Variants in MGAT4C observed in about 807,000 individuals in gnomAD.
MGAT4C encodes MGAT4 family member C, also known as alpha-1,3-mannosyl-glycoprotein 4-beta-N-acetylglucosaminyltransferase C.
MGAT4C carries 19 observed loss-of-function variants against 40.1 expected under a neutral mutation model. The ratio of observed to expected loss-of-function variants is 0.47; its 90% CI spans 0.33 to 0.70. The LOEUF is 0.70. MGAT4C is among the 30% of genes least tolerant of loss of function. The pLI is 0.02. For missense variants in MGAT4C, 491 were observed against 563.2 expected (o/e 0.87, Z 1.30); for synonymous variants, 181 against 187.1 (o/e 0.97, Z 0.27).
intron 3 of MGAT4C, among the ~76,000 whole-genome samples, chr12:86,397,953 C>T (rs1190729001): frequency 6.6e-6 from 1 of 152,010 alleles, no homozygotes; most frequent in Non-Finnish European, 1.5e-5. Flanking sequence ...ACAGAGATGC[C>T]ATTTCTTAAT....
Position 86,472,231 on chromosome 12 carries a change from T to G in MGAT4C, c.-228-36966A>C, listed in dbSNP as rs567849683. Reference sequence around the variant, plus strand: ...TCTGCCTCCAGCGACTGTAGGCCATTTGAAGATTACTATTGCTGCTATTCT... The same window carrying G: ...TCTGCCTCCAGCGACTGTAGGCCATGTGAAGATTACTATTGCTGCTATTCT... On this transcript the variant is annotated intron_variant, in intron 2 of 7. Coordinates refer to the MGAT4C transcript ENST00000548651. Among the ~76,000 whole-genome samples, 9 of 152,282 alleles carry G rather than the reference T, an allele frequency of 5.9e-5. No individual in the cohort carries two copies. The South Asian group carries it at 1.9e-3, about 32-fold the overall frequency.
chr12:86,244,373 G>T (rs1262019372), intron 1 of MGAT4C, among the ~76,000 whole-genome samples: 1 of 152,108 alleles, frequency 6.6e-6, no homozygotes, highest in Non-Finnish European at 1.5e-5. Context: ...GGGTTTCATT[G>T]CCTCCTTCTA....
chr12:86,314,759 C>A (rs113970066), intron 4 of MGAT4C, among the ~76,000 whole-genome samples: 258 of 152,282 alleles, frequency 1.7e-3, no homozygotes, highest in African/African-American at 5.9e-3. Flanking sequence ...TAACCCCTAA[C>A]ATTAAAATAC....
chr12:86,347,860 T>C (rs968648516), intron 3 of MGAT4C, among the ~76,000 whole-genome samples: 2 of 152,204 alleles, frequency 1.3e-5, no homozygotes, highest in African/African-American at 4.8e-5. Context: ...TTTTTTCCTT[T>C]GAACTTTCAT....
At chr12:86,744,089 G>T (rs1951115368) in intron 1 of MGAT4C, among the ~76,000 whole-genome samples, 1 of 151,552 alleles carries the variant, frequency 6.6e-6, no homozygotes, top group Non-Finnish European at 1.5e-5. Flanking sequence ...AACATGTACT[G>T]AAATTTACAG....
chr12:86,035,971 T>C (rs1891202742), intron 2 of MGAT4C, among the ~76,000 whole-genome samples: 1 of 150,100 alleles, frequency 6.7e-6, no homozygotes, highest in African/African-American at 2.4e-5. Flanking sequence ...CTGTTTTTAT[T>C]ACTGTAGCCT....
chr12:86,430,222 T>A (rs776220300), intron 3 of MGAT4C, among the ~76,000 whole-genome samples: 81 of 152,322 alleles, frequency 5.3e-4, no homozygotes, highest in Non-Finnish European at 1.1e-3. Context: ...TCTTTTTTAG[T>A]ATTATTTTGA....
chr12:86,481,504 CAA>C (rs1475628115), intron 2 of MGAT4C, among the ~76,000 whole-genome samples: 5 of 151,736 alleles, frequency 3.3e-5, no homozygotes, highest in Non-Finnish European at 7.4e-5. Context: ...TTTAAAATGT[CAA>C]AGAGATACAC....
At chr12:86,632,197 C>A (rs1963069135) in intron 2 of MGAT4C, among the ~76,000 whole-genome samples, 1 of 152,012 alleles carries the variant, frequency 6.6e-6, no homozygotes, top group Non-Finnish European at 1.5e-5. Flanking sequence ...AAATCAAAAT[C>A]ACAATGAGAT....
chr12:85,994,424 C>T (rs1565829529), intron 2 of MGAT4C, among the ~76,000 whole-genome samples: 1 of 152,116 alleles, frequency 6.6e-6, no homozygotes, highest in Non-Finnish European at 1.5e-5. Flanking sequence ...GCAGAATAGG[C>T]TGAGAAGCCC....
Position 85,977,993 on chromosome 12 carries a change from C to T in MGAT4C, c.*1296G>A, listed in dbSNP as rs1884138075. ...TGAAAACCAATGTCTTTAGGACACA[C>T]TAAGGTGTCCTGAATTACTTTAACG... On this transcript the variant is annotated 3_prime_UTR_variant, in exon 5 of 5. Coordinates refer to ENST00000611864, the MANE Select transcript of MGAT4C (RefSeq NM_001351288.2). 1.3e-5 allele frequency: 2 copies of T among 151,560 alleles called. No homozygotes were observed. The highest frequency in any genetic ancestry group is 4.8e-5 in the African/African-American group (2 of 41,364). The allele number at this position is 151,560 out of a possible 1,614,324, so 9.4% of individuals were successfully genotyped here.
intron 3 of MGAT4C, among the ~76,000 whole-genome samples, chr12:86,381,383 T>C (rs1955925719): frequency 6.6e-6 from 1 of 152,166 alleles, no homozygotes; most frequent in Non-Finnish European, 1.5e-5. Flanking sequence ...TAACTTTCAG[T>C]TTGAGTCTGA....
intron 2 of MGAT4C, among the ~76,000 whole-genome samples, chr12:86,564,455 C>T (rs1010064978): frequency 2.0e-5 from 3 of 152,160 alleles, no homozygotes; most frequent in Non-Finnish European, 2.9e-5. Context: ...TCTTCCCTTC[C>T]ACAAGATATC....
chr12:86,437,263 T>A (rs1957152949), intron 2 of MGAT4C, among the ~76,000 whole-genome samples: 1 of 151,810 alleles, frequency 6.6e-6, no homozygotes, highest in African/African-American at 2.4e-5. Context: ...TACTAGTTAT[T>A]TTCCAATGTA....
At chr12:86,595,628 G>T (rs1163921174) in intron 2 of MGAT4C, among the ~76,000 whole-genome samples, 1 of 151,728 alleles carries the variant, frequency 6.6e-6, no homozygotes, top group African/African-American at 2.4e-5. Context: ...TGCATATTAA[G>T]AATTTTACAT....
At chr12:86,312,405 C>T (rs2136151595) in intron 4 of MGAT4C, among the ~76,000 whole-genome samples, 1 of 152,308 alleles carries the variant, frequency 6.6e-6, no homozygotes, top group Non-Finnish European at 1.5e-5. Context: ...GCTGCTTGCT[C>T]ACTTTAGTTT....
intron 2 of MGAT4C, among the ~76,000 whole-genome samples, chr12:86,646,479 A>G (rs1478863039): frequency 6.6e-6 from 1 of 151,970 alleles, no homozygotes; most frequent in Admixed American, 6.6e-5. Context: ...ATCCAGAAAC[A>G]CTATTATAAT....
At chr12:86,228,287 G>A (rs1389291) in intron 1 of MGAT4C, among the ~76,000 whole-genome samples, 8,209 of 151,812 alleles carry the variant, frequency 0.054, 751 homozygotes, top group African/African-American at 0.19. Context: ...AAGGGAATCA[G>A]TATTCCTCAG....
At chr12:86,802,111 G>A (rs1164721688) in intron 1 of MGAT4C, among the ~76,000 whole-genome samples, 2 of 151,890 alleles carry the variant, frequency 1.3e-5, no homozygotes, top group Non-Finnish European at 2.9e-5. Context: ...TGACACCTGT[G>A]TAAACTTATA....
Sources: gnomAD v4.1 joint callset for allele counts (sites outside exome capture counted in the v4.1 genomes callset) on GRCh38, gnomAD v4.1.1 for gene constraint, MANE v1.5 for transcripts, NCBI Gene and HGNC (gene_info 2026-07-23, HGNC 2026-07-21) for gene names.